The following CSMD1 variants were observed in gnomAD, a reference collection of about 807,000 sequenced individuals.
The protein encoded by CSMD1 is CUB and sushi domain-containing protein 1.
In CSMD1, 213 loss-of-function variants were observed where a neutral mutation model predicts 417.5. The observed-to-expected ratio is 0.51, with a 90% CI of 0.46 to 0.57. The LOEUF is 0.57. CSMD1 is among the 20% of genes least tolerant of loss of function. The pLI is 0.00. For missense variants in CSMD1, 6,923 were observed against 4,529.7 expected, an observed-to-expected ratio of 1.53 and a Z score of -15.17; for synonymous variants, 2,862 against 1,736.8, an observed-to-expected ratio of 1.65 and a Z score of -16.11.
At chr8:4,269,420 G>C (rs1416685328) in intron 3 of CSMD1, among the ~76,000 whole-genome samples, 2 of 152,126 alleles carry the variant, frequency 1.3e-5, no homozygotes. Context: ...TGTAGCTTTT[G>C]ATATTGAGAA....
intron 3 of CSMD1, among the ~76,000 whole-genome samples, chr8:4,186,355 T>C (rs943558489): frequency 6.6e-6 from 1 of 152,140 alleles, no homozygotes; most frequent in East Asian, 1.9e-4. Context: ...CTGGGCTGAT[T>C]CCTATCTTCG....
chr8:3,385,228 C>A (rs1429795084), intron 18 of CSMD1, among the ~76,000 whole-genome samples: 1 of 146,278 alleles, frequency 6.8e-6, no homozygotes, highest in Non-Finnish European at 1.5e-5. Flanking sequence ...CATATACATG[C>A]ATATCTATGA....
intron 27 of CSMD1, among the ~76,000 whole-genome samples, chr8:3,229,451 A>C (rs993266916): frequency 1.3e-5 from 2 of 152,154 alleles, no homozygotes; most frequent in Non-Finnish European, 2.9e-5. Context: ...ATTTGTGATA[A>C]ATTGTCTCAG....
At chr8:3,503,434 C>A (rs1407280044) in intron 10 of CSMD1, among the ~76,000 whole-genome samples, 1 of 152,222 alleles carries the variant, frequency 6.6e-6, no homozygotes, top group Non-Finnish European at 1.5e-5. Flanking sequence ...TTTGCACAGG[C>A]AGTGAAAAGC....
At chr8:4,770,287 T>C (rs1447234420) in intron 1 of CSMD1, among the ~76,000 whole-genome samples, 1 of 148,238 alleles carries the variant, frequency 6.7e-6, no homozygotes, top group Non-Finnish European at 1.5e-5. Context: ...TATATGTGTA[T>C]GGGAATATAT....
intron 5 of CSMD1, among the ~76,000 whole-genome samples, chr8:3,759,408 C>T (rs1365706772): frequency 2.6e-5 from 4 of 152,086 alleles, no homozygotes; most frequent in Admixed American, 6.5e-5. Flanking sequence ...ATAAAACAAC[C>T]AGTGACTGAA....
intron 7 of CSMD1, among the ~76,000 whole-genome samples, chr8:3,706,650 G>C (rs368938338): frequency 6.6e-6 from 1 of 152,166 alleles, no homozygotes; most frequent in East Asian, 1.9e-4. Context: ...AGAAAAATCT[G>C]ATGCCCAAAT....
At chr8:3,839,267 A>G (rs1176138293) in intron 5 of CSMD1, among the ~76,000 whole-genome samples, 1 of 124,688 alleles carries the variant, frequency 8.0e-6, no homozygotes, top group African/African-American at 3.0e-5. Context: ...ACTTATATAT[A>G]CTATTAATAT....
chr8:3,516,899 A>C (rs931832105), intron 10 of CSMD1, among the ~76,000 whole-genome samples: 6 of 152,200 alleles, frequency 3.9e-5, no homozygotes, highest in Non-Finnish European at 7.3e-5. Flanking sequence ...CACAATTCAC[A>C]ACTGCAAAAT....
At position 3,201,654 on chromosome 8, in the gene CSMD1, C is replaced by T; in HGVS notation, c.5056G>A (p.Ala1686Thr). 3 of 1,606,328 alleles carry T rather than the reference C, an allele frequency of 1.9e-6. No homozygotes were observed. The highest frequency in any genetic ancestry group is 2.6e-6 in the Non-Finnish European group (3 of 1,176,274). ...AGTGAGCTGAGAAGTCTGGCCTGTG[C>T]ATGGGTTCCATCAAATAATTCTGCC... ...DLAELFDGTH[A>T]QARLLSSLSG... The change falls in exon 32 of 70, where the codon GCA becomes ACA. Residue 1686 changes from alanine to threonine, a missense_variant. Coordinates refer to ENST00000635120, the MANE Select transcript of CSMD1 (RefSeq NM_033225.6).
At chr8:3,388,930 C>G (rs534328886) in intron 17 of CSMD1, among the ~76,000 whole-genome samples, 2 of 145,716 alleles carry the variant, frequency 1.4e-5, no homozygotes, top group Non-Finnish European at 3.1e-5. Flanking sequence ...CACACACACA[C>G]ACACACACAC....
At chr8:2,957,257 T>G (rs1429496382) in intron 63 of CSMD1, among the ~76,000 whole-genome samples, 1 of 152,206 alleles carries the variant, frequency 6.6e-6, no homozygotes, top group Non-Finnish European at 1.5e-5. Flanking sequence ...ATGACGTTAT[T>G]CAGTTCATCC....
intron 12 of CSMD1, among the ~76,000 whole-genome samples, chr8:3,415,763 T>C (rs1563366195): frequency 6.6e-6 from 1 of 152,212 alleles, no homozygotes. Flanking sequence ...TTTTATTCTT[T>C]ATTTCAGACT....
Position 3,926,073 on chromosome 8 carries a change from CAA to C in CSMD1, c.818+71828_818+71829del, listed in dbSNP as rs1468067985. Among the ~76,000 whole-genome samples, 768 of 111,162 alleles carry C rather than the reference CAA, an allele frequency of 6.9e-3. 38 individuals are homozygous for C. Among genetic ancestry groups the C allele is most frequent in the African/African-American group, 0.028 (721 of 25,946 alleles). 72.9% of individuals were successfully genotyped at this position (111,162 alleles called of 152,430 possible). On this transcript the variant is annotated intron_variant, in intron 5 of 69. Coordinates refer to ENST00000635120, the MANE Select transcript of CSMD1 (RefSeq NM_033225.6). The stretch of plus-strand genomic sequence containing the variant: ...CCATATACACACACACACACACACA[CAA>C]ACACCATACACACACACACACACAC...
intron 54 of CSMD1, among the ~76,000 whole-genome samples, chr8:2,992,750 G>A (rs886661570): frequency 1.3e-5 from 2 of 151,436 alleles, no homozygotes; most frequent in Non-Finnish European, 2.9e-5. Flanking sequence ...TATGCCATCT[G>A]ATTTTCTTTT....
intron 2 of CSMD1, among the ~76,000 whole-genome samples, chr8:4,565,892 T>A (rs1252662230): frequency 6.6e-6 from 1 of 150,592 alleles, no homozygotes; most frequent in Non-Finnish European, 1.5e-5. Context: ...AATATTAAAT[T>A]TTCCTCATAG....
intron 26 of CSMD1, among the ~76,000 whole-genome samples, chr8:3,239,778 G>C (rs960034751): frequency 1.3e-5 from 2 of 152,168 alleles, no homozygotes; most frequent in East Asian, 1.9e-4. Context: ...CGTGATGAGG[G>C]CGAGGAACAG....
chr8:4,143,808 G>C (rs1404341969), intron 3 of CSMD1, among the ~76,000 whole-genome samples: 10 of 151,198 alleles, frequency 6.6e-5, no homozygotes, highest in Non-Finnish European at 1.3e-4. Context: ...GCTGTTCCAG[G>C]GCCTAGTTAC....
intron 3 of CSMD1, among the ~76,000 whole-genome samples, chr8:4,367,709 A>G (rs2128910977): frequency 6.6e-6 from 1 of 152,152 alleles, no homozygotes; most frequent in Non-Finnish European, 1.5e-5. Context: ...AATGGTTTTC[A>G]TCTGTTTCTG....
Sources: allele counts gnomAD v4.1 joint callset (sites outside exome capture counted in the v4.1 genomes callset), GRCh38; gene constraint gnomAD v4.1.1; transcripts MANE v1.5; gene names NCBI Gene and HGNC (gene_info 2026-07-23, HGNC 2026-07-21).